The following ESRRA variants were observed in gnomAD, a reference collection of about 807,000 sequenced individuals.
ESRRA encodes steroid hormone receptor ERR1.
Under a neutral mutation model 35.6 loss-of-function variants are expected in ESRRA, and 7 were observed. That is an observed-to-expected ratio of 0.20 (90% CI 0.11 to 0.37). The LOEUF is 0.37. Ranked by LOEUF, ESRRA falls within the 10% of genes least tolerant of loss-of-function variation. The probability of loss-of-function intolerance (pLI) is 1.00; values close to 1 mark genes in which losing one functional copy is unlikely to be tolerated. For synonymous variants in ESRRA, 223 were observed against 246.9 expected, an observed-to-expected ratio of 0.90 and a Z score of 0.91; for missense variants, 378 against 561.7, an observed-to-expected ratio of 0.67 and a Z score of 3.31.
intron 1 of ESRRA, chr11:64,306,510 C>A (rs547415527): frequency 6.5e-6 from 1 of 152,862 alleles, no homozygotes; most frequent in African/African-American, 2.4e-5. Flanking sequence ...TGTGGGGAGA[C>A]CTAGTGAGAG....
Position 64,314,846 on chromosome 11 carries a change from C to G in ESRRA, c.677C>G (p.Ala226Gly), listed in dbSNP as rs760892479. 20 of 1,612,274 alleles carry G rather than the reference C, an allele frequency of 1.2e-5. No homozygotes were observed. The highest frequency in any genetic ancestry group is 1.7e-6 in the Non-Finnish European group (2 of 1,180,038). The change falls in exon 5 of 7, where the codon GCT (alanine) becomes GGT (glycine). Residue 226 changes from alanine (A) to glycine (G), a missense_variant. By Grantham distance (60) the Ala-to-Gly change is moderately conservative (BLOSUM62 0). This residue lies in a region of ESRRA where 284 missense variants were observed against 411.7 expected (regional missense o/e 0.69). Coordinates refer to ENST00000000442, the MANE Select transcript of ESRRA (RefSeq NM_004451.5). ...AGPDGHLPAVATLCDLFDREI... is the reference protein window; with the variant it reads ...AGPDGHLPAVGTLCDLFDREI... ...CCTGATGGGCACCTCCCAGCCGTGG[C>G]TACCCTCTGTGACCTCTTTGACCGA... is the stretch of plus-strand genomic sequence containing the variant.
chr11:64,307,260 G>C lies in ESRRA; in HGVS notation c.81G>C (p.Ser27=). ...PASPDSPKGS[S]ETETEPPVAL... The stretch of plus-strand genomic sequence containing the variant: ...GCCCTGACAGTCCAAAGGGTTCCTC[G>C]GAGACAGAGACCGAGCCTCCTGTGG... Residue 27 remains serine (S), a synonymous_variant, in exon 2 of 7, where the codon TCG becomes TCC. Transcript: ENST00000000442. 2 of 1,613,536 alleles carry C rather than the reference G, an allele frequency of 1.2e-6. No homozygotes were observed. The highest frequency in any genetic ancestry group is 1.7e-6 in the Non-Finnish European group (2 of 1,179,792).
In ESRRA at chr11:64,305,966, C is replaced by T. The variant is rs1459816408; in HGVS notation, c.-13+230C>T. Among the ~76,000 whole-genome samples the T allele has an allele frequency of 6.6e-6, 1 of 152,098 alleles. No homozygotes were observed. The highest frequency in any genetic ancestry group is 6.5e-5 in the Admixed American group (1 of 15,302). On this transcript the variant is annotated intron_variant, in intron 1 of 6. Coordinates refer to ENST00000000442, the MANE Select transcript of ESRRA (RefSeq NM_004451.5). The surrounding 1 kb of genome is among the most constrained non-coding windows in gnomAD (Gnocchi z 5.8). ...CTGGGGCAGGATCTGGCTCTGGCTG[C>T]GGGTCCTGACTCGGGTCAGGGTTGG...
At chr11:64,307,726 G>A (rs574138534) in intron 2 of ESRRA, among the ~76,000 whole-genome samples, 1 of 152,140 alleles carries the variant, frequency 6.6e-6, no homozygotes, top group African/African-American at 2.4e-5. Context: ...GTACCACCTG[G>A]GTACTCTAGG....
At chr11:64,310,896 T>C (rs1440538415) in intron 2 of ESRRA, among the ~76,000 whole-genome samples, 1 of 152,128 alleles carries the variant, frequency 6.6e-6, no homozygotes, top group East Asian at 1.9e-4. Context: ...TTAAACTTTG[T>C]GCACCCTTCC....
Position 64,314,220 on chromosome 11 carries a change from A to C in ESRRA, c.443-19A>C, listed in dbSNP as rs1487417369. The C allele has an allele frequency of 6.2e-7, 1 of 1,603,126 alleles. No homozygotes were observed. Among genetic ancestry groups the C allele is most frequent in the South Asian group, 1.1e-5 (1 of 89,600 alleles). ...CCCACAGCACCACAGTCACAGTCCTATCTGTCCCACAATTCAAGGAGTGCG... is the reference window on the plus strand; with the variant it reads ...CCCACAGCACCACAGTCACAGTCCTCTCTGTCCCACAATTCAAGGAGTGCG... On this transcript the variant is annotated intron_variant, in intron 3 of 6. Transcript: ENST00000000442.
intron 4 of ESRRA, among the ~76,000 whole-genome samples, 162 bp from the exon 5 acceptor site, chr11:64,314,578 CA>C (rs2035203462): frequency 6.6e-6 from 1 of 152,212 alleles, no homozygotes; most frequent in Non-Finnish European, 1.5e-5. Flanking sequence ...TCCACAAACA[CA>C]CGGGCTTTCC....
intron 2 of ESRRA, among the ~76,000 whole-genome samples, chr11:64,307,974 C>T (rs2035067619): frequency 1.3e-5 from 2 of 151,976 alleles, no homozygotes; most frequent in East Asian, 3.9e-4. Flanking sequence ...CTCACTGCAA[C>T]CTTTGCCCCT....
In ESRRA at chr11:64,314,928, A is replaced by G. The variant is rs1204235131; in HGVS notation, c.742+17A>G. ...GCATCCCAGGTAAAGGGCCCAGGTG[A>G]CCCGGGGCTGCCCTGAACGGGCCCG... On this transcript the variant is annotated intron_variant, in intron 5 of 6. Transcript: ENST00000000442. 2.5e-6 allele frequency: 4 copies of G among 1,610,130 alleles called. No individual in the cohort carries two copies. The highest frequency in any genetic ancestry group is 3.4e-6 in the Non-Finnish European group (4 of 1,179,170).
chr11:64,314,507 C>A (rs2035202062), intron 4 of ESRRA, 140 bp downstream of exon 4: 1 of 1,159,346 alleles, frequency 8.6e-7, no homozygotes, highest in Non-Finnish European at 1.2e-6. Flanking sequence ...ACTGCCTTTT[C>A]CTGCATCAGG....
At chr11:64,306,062 G>A (rs1159770288) in intron 1 of ESRRA, among the ~76,000 whole-genome samples, 1 of 152,228 alleles carries the variant, frequency 6.6e-6, no homozygotes, top group Non-Finnish European at 1.5e-5. Flanking sequence ...GCTGGCCGGG[G>A]TGGAAGACGG....
chr11:64,314,669 G>A, intron 4 of ESRRA, 72 bp from the exon 5 acceptor site: 1 of 1,473,346 alleles, frequency 6.8e-7, no homozygotes, highest in Non-Finnish European at 9.2e-7. Flanking sequence ...GGGAGCCACT[G>A]TGGGAAGATG....
rs778335734 is a variant in ESRRA, at chr11:64,314,982, G to A, written c.743-19G>A. The A allele has an allele frequency of 7.6e-6, 12 of 1,585,424 alleles. No homozygotes were observed. Among genetic ancestry groups the A allele is most frequent in the East Asian group, 4.6e-5 (2 of 43,510 alleles). ...CTGGTGCGCTTGCTCAGCCAGGCCC[G>A]CTCCCCGCTGCCCCCTAGGCTTCTC... On this transcript the variant is annotated intron_variant, in intron 5 of 6. Transcript: ENST00000000442.
rs780168774 is a variant in ESRRA, at chr11:64,307,520, A to C, written c.325+16A>C. ...ACCATCCAGGGTGAGCCCCCAGCCC[A>C]CTCCCCTGTCCTTTGCCCTGCACCC... On this transcript the variant is annotated intron_variant, in intron 2 of 6. Coordinates refer to ENST00000000442, the MANE Select transcript of ESRRA (RefSeq NM_004451.5). 8.1e-6 allele frequency: 12 copies of C among 1,490,054 alleles called. No homozygotes were observed. The allele number at this position is 1,490,054 out of a possible 1,614,324, so 92.3% of individuals were successfully genotyped here.
At chr11:64,310,846 C>T (rs1271444502) in intron 2 of ESRRA, among the ~76,000 whole-genome samples, 1 of 152,132 alleles carries the variant, frequency 6.6e-6, no homozygotes, top group Non-Finnish European at 1.5e-5. Context: ...CTGCACCCCG[C>T]CAATCCAGCA....
chr11:64,316,163 T>C lies in ESRRA; in HGVS notation c.*197T>C. On this transcript the variant is annotated 3_prime_UTR_variant, in exon 7 of 7. Coordinates refer to ENST00000000442, the MANE Select transcript of ESRRA (RefSeq NM_004451.5). ...GGGTGTCAGAAGCTGGGAACGTGTG[T>C]CCAGGCTCTGGGCACAGTGCTGCCC... 1 of 629,190 alleles carries C rather than the reference T, an allele frequency of 1.6e-6. No homozygotes were observed. The highest frequency in any genetic ancestry group is 2.7e-6 in the Non-Finnish European group (1 of 369,624). The allele number at this position is 629,190 out of a possible 1,614,324, so 39.0% of individuals were successfully genotyped here.
chr11:64,311,199 C>T (rs1591242275), intron 2 of ESRRA, among the ~76,000 whole-genome samples: 6 of 152,324 alleles, frequency 3.9e-5, no homozygotes, highest in Middle Eastern at 6.8e-3. Flanking sequence ...TAGCCAGAGT[C>T]CCTGTTCGGC....
Position 64,308,312 on chromosome 11 carries a change from C to T in ESRRA, c.325+808C>T, listed in dbSNP as rs185753717. Among the ~76,000 whole-genome samples, 31 of 148,430 alleles carry T rather than the reference C, an allele frequency of 2.1e-4. No homozygotes were observed. In the East Asian group the frequency reaches 3.7e-3, roughly 18 times the overall value. ...GGCGGATCACCTGAGGTCAGGAGAT[C>T]GAGACCAGCCTGGCCAGGGTGGTGA... On this transcript the variant is annotated intron_variant, in intron 2 of 6. Transcript: ENST00000000442.
intron 1 of ESRRA, 29 bp from the exon 2 acceptor site, chr11:64,307,139 C>G: frequency 1.3e-6 from 2 of 1,517,598 alleles, no homozygotes; most frequent in Non-Finnish European, 1.8e-6. Flanking sequence ...CCAGTGCTTT[C>G]CTGCGAACCT....
Sources: gnomAD v4.1 joint callset for allele counts (sites outside exome capture counted in the v4.1 genomes callset) on GRCh38, gnomAD v4.1.1 for gene constraint, gnomAD v4.1.1 regional missense constraint, Gnocchi (gnomAD v3.1) non-coding constraint, MANE v1.5 for transcripts, NCBI Gene and HGNC (gene_info 2026-07-23, HGNC 2026-07-21) for gene names.